SENP1: variants seen among roughly 807,000 people sequenced by gnomAD.
The protein encoded by SENP1 is SUMO specific peptidase 1.
In SENP1, 21 loss-of-function variants were observed where a neutral mutation model predicts 93.0. That is an observed-to-expected ratio of 0.23 (90% CI 0.16 to 0.33). The LOEUF (loss-of-function observed/expected upper bound fraction) is 0.33. SENP1 is among the 10% of genes least tolerant of loss of function. SENP1 has a pLI of 1.00. For synonymous variants in SENP1, 256 were observed against 259.6 expected, an observed-to-expected ratio of 0.99 and a Z score of 0.13; for missense variants, 591 against 758.7, an observed-to-expected ratio of 0.78 and a Z score of 2.60.
In SENP1 at chr12:48,043,119, G is replaced by C. The variant is rs1329842814; in HGVS notation, c.*2203C>G. ...AGTCTGTATTTGGACCAGGTCCAGG[G>C]TGGTAAGATGGTCTCAGGGTCACTA... On this transcript the variant is annotated 3_prime_UTR_variant, in exon 18 of 18. Transcript: ENST00000549518. 3.3e-5 allele frequency: 5 copies of C among 152,678 alleles called. No homozygotes were observed. In the East Asian group the frequency reaches 9.6e-4, roughly 29 times the overall value. 9.5% of individuals were successfully genotyped at this position (152,678 alleles called of 1,614,324 possible).
intron 9 of SENP1, among the ~76,000 whole-genome samples, chr12:48,069,322 T>C (rs2136999958): frequency 6.6e-6 from 1 of 152,264 alleles, no homozygotes; most frequent in South Asian, 2.1e-4. Context: ...CAGATCTTCA[T>C]TACTGGAACT....
chr12:48,047,883 T>C, intron 15 of SENP1, 118 bp downstream of exon 15: 1 of 669,012 alleles, frequency 1.5e-6, no homozygotes, highest in East Asian at 2.7e-5. Flanking sequence ...GCATTTTTAC[T>C]TAATATGAAG....
intron 13 of SENP1, among the ~76,000 whole-genome samples, chr12:48,058,533 T>C (rs996134520): frequency 9.2e-5 from 14 of 151,396 alleles, no homozygotes; most frequent in Non-Finnish European, 1.5e-5. Context: ...TGATTTACTA[T>C]GGCTTTAACG....
At chr12:48,092,656 CCA>C (rs1305170381) in intron 4 of SENP1, among the ~76,000 whole-genome samples, 1 of 151,974 alleles carries the variant, frequency 6.6e-6, no homozygotes, top group African/African-American at 2.4e-5. Context: ...CTAATCATCA[CCA>C]TATATATAGT....
rs867203102 is a variant in SENP1, at chr12:48,048,867, C to G, written c.1611+62G>C. On this transcript the variant is annotated intron_variant, in intron 14 of 17. Coordinates refer to ENST00000549518, the MANE Select transcript of SENP1 (RefSeq NM_001267594.2). Reference sequence around the variant, plus strand: ...AACATGTAGAACTACTACTCACTACCCTCTGTGTGTTCTATAAGTACATAG... The same window carrying G: ...AACATGTAGAACTACTACTCACTACGCTCTGTGTGTTCTATAAGTACATAG... The G allele has an allele frequency of 3.3e-5, 42 of 1,255,634 alleles. 1 individual carries two copies. In the Middle Eastern group the frequency reaches 5.6e-3, roughly 166 times the overall value. The allele number at this position is 1,255,634 out of a possible 1,614,324, so 77.8% of individuals were successfully genotyped here. A position where few individuals can be genotyped will look rare whatever the true frequency, so the allele number is the denominator to read the frequency against.
intron 4 of SENP1, 31 bp from the exon 5 acceptor site, chr12:48,088,991 C>A: frequency 6.3e-7 from 1 of 1,577,744 alleles, no homozygotes. Context: ...ATAAATTAAA[C>A]AAATTCTACA....
intron 6 of SENP1, among the ~76,000 whole-genome samples, chr12:48,078,317 T>TATATATATATATATATA (rs1944242485): frequency 1.4e-5 from 1 of 70,738 alleles, no homozygotes; most frequent in African/African-American, 4.9e-5. Context: ...CTGTAGGATT[T>TATATATATATATATATA]TATATATATA....
chr12:48,074,268 T>C (rs958844253), intron 8 of SENP1, 56 bp downstream of exon 8: 1 of 1,382,020 alleles, frequency 7.2e-7, no homozygotes, highest in African/African-American at 1.4e-5. Context: ...AATGAGCTAA[T>C]GAACAGTTAA....
chr12:48,055,892 T>C (rs1335242446), intron 13 of SENP1, among the ~76,000 whole-genome samples: 1 of 140,422 alleles, frequency 7.1e-6, no homozygotes, highest in East Asian at 2.1e-4. Context: ...TTATGCAATA[T>C]ATAAAAATAT....
At chr12:48,065,003 T>C (rs940013566) in intron 12 of SENP1, 62 bp downstream of exon 12, 2 of 1,223,568 alleles carry the variant, frequency 1.6e-6, no homozygotes, top group African/African-American at 1.5e-5. Context: ...TTGAAACTCA[T>C]CCGAGGGATT....
chr12:48,056,494 TTAC>T, intron 13 of SENP1, among the ~76,000 whole-genome samples: 1 of 94,950 alleles, frequency 1.1e-5, no homozygotes, highest in African/African-American at 5.0e-5. Context: ...ATATTACATA[TTAC>T]ATATATAAAT....
chr12:48,101,532 C>T lies in SENP1; in HGVS notation c.-44-16G>A. 4 of 1,432,786 alleles carry T rather than the reference C, an allele frequency of 2.8e-6. No homozygotes were observed. The highest frequency in any genetic ancestry group is 2.9e-6 in the Non-Finnish European group (3 of 1,031,982). 88.8% of individuals were successfully genotyped at this position (1,432,786 alleles called of 1,614,324 possible). A position where few individuals can be genotyped will look rare whatever the true frequency, so the allele number is the denominator to read the frequency against. ...ATACAAAGTCCTATAAAAGAAGACA[C>T]AAAACAGAAAAATTACATACTGAAA... On this transcript the variant is annotated splice_polypyrimidine_tract_variant and intron_variant, in intron 1 of 17. Coordinates refer to ENST00000549518, the MANE Select transcript of SENP1 (RefSeq NM_001267594.2).
chr12:48,088,777 G>T, intron 5 of SENP1, 24 bp downstream of exon 5: 2 of 1,600,408 alleles, frequency 1.2e-6, no homozygotes, highest in East Asian at 2.2e-5. Flanking sequence ...AAGGGCTTGA[G>T]AACTAAGATG....
chr12:48,096,487 C>T, intron 3 of SENP1, 60 bp from the exon 4 acceptor site: 5 of 1,037,014 alleles, frequency 4.8e-6, no homozygotes, highest in South Asian at 2.7e-5. Flanking sequence ...GACAGTCTCA[C>T]TCTTGTTGCC....
At position 48,078,288 on chromosome 12, in the gene SENP1, A is replaced by T. The variant is rs558471503; in HGVS notation, c.553-3495T>A. Among the ~76,000 whole-genome samples the T allele has an allele frequency of 2.7e-3, 260 of 96,050 alleles. 3 individuals carry two copies. Among genetic ancestry groups the T allele is most frequent in the South Asian group, 0.011 (28 of 2,604 alleles). The allele number at this position is 96,050 out of a possible 152,430, so 63.0% of individuals were successfully genotyped here. A position where few individuals can be genotyped will look rare whatever the true frequency, so the allele number is the denominator to read the frequency against. On this transcript the variant is annotated intron_variant, in intron 6 of 17. Transcript: ENST00000549518. ...TCCTACAACTATACTGTATTCATTT[A>T]ATAGTTTTTTGGTGGAGTCTGTAGG...
intron 12 of SENP1, 143 bp downstream of exon 12, chr12:48,064,922 C>T (rs1943193338): frequency 3.4e-6 from 2 of 594,582 alleles, no homozygotes; most frequent in Non-Finnish European, 5.9e-6. Flanking sequence ...AGTGATCCAC[C>T]CGCTTCAGTC....
intron 1 of SENP1, chr12:48,105,253 A>G (rs1946413610): frequency 2.5e-6 from 1 of 403,510 alleles, no homozygotes; most frequent in South Asian, 1.9e-5. Context: ...TGAAAGTGAT[A>G]AAGAAGCAAG....
intron 6 of SENP1, among the ~76,000 whole-genome samples, chr12:48,078,314 A>ATT (rs1248167054): frequency 1.3e-3 from 20 of 15,132 alleles, no homozygotes; most frequent in Admixed American, 4.0e-3. Flanking sequence ...AGTCTGTAGG[A>ATT]TTTTATATAT....
At chr12:48,068,024 C>T (rs910585864) in intron 9 of SENP1, among the ~76,000 whole-genome samples, 4 of 152,064 alleles carry the variant, frequency 2.6e-5, no homozygotes, top group African/African-American at 9.7e-5. Context: ...CCACACCTGG[C>T]TAATTTTTTC....
Sources: gnomAD v4.1 joint callset for allele counts (sites outside exome capture counted in the v4.1 genomes callset) on GRCh38, gnomAD v4.1.1 for gene constraint, MANE v1.5 for transcripts, NCBI Gene and HGNC (gene_info 2026-07-23, HGNC 2026-07-21) for gene names.